Variants in TSHZ2 observed in about 807,000 individuals in gnomAD.
TSHZ2 encodes the protein teashirt homolog 2.
A neutral mutation model predicts 74.4 loss-of-function variants in TSHZ2; 21 were observed. The observed-to-expected ratio is 0.28, with a 90% CI of 0.20 to 0.41. TSHZ2 has a LOEUF of 0.41. Ranked by LOEUF, TSHZ2 falls within the 10% of genes least tolerant of loss-of-function variation. The probability of loss-of-function intolerance (pLI) is 1.00; values close to 1 mark genes in which losing one functional copy is unlikely to be tolerated. For synonymous variants in TSHZ2, 540 were observed against 515.3 expected, an observed-to-expected ratio of 1.05 and a Z score of -0.65; for missense variants, 1,244 against 1,293.5, an observed-to-expected ratio of 0.96 and a Z score of 0.59.
intron 1 of TSHZ2, among the ~76,000 whole-genome samples, chr20:53,007,804 G>C (rs1982701822): frequency 6.6e-6 from 1 of 151,854 alleles, no homozygotes; most frequent in African/African-American, 2.4e-5. Context: ...TTTGCAGAGT[G>C]ATGTGAGCAT....
At chr20:53,357,139 T>C (rs1467671921) in intron 2 of TSHZ2, among the ~76,000 whole-genome samples, 1 of 152,190 alleles carries the variant, frequency 6.6e-6, no homozygotes, top group Admixed American at 6.5e-5. Flanking sequence ...TTGCATAAAT[T>C]CCATTTCTCT....
At chr20:53,211,016 T>C (rs1308137341) in intron 1 of TSHZ2, among the ~76,000 whole-genome samples, 2 of 152,212 alleles carry the variant, frequency 1.3e-5, no homozygotes, top group Admixed American at 6.5e-5. Flanking sequence ...TGGATAATTA[T>C]GTTCTCAGAG....
intron 1 of TSHZ2, among the ~76,000 whole-genome samples, chr20:53,031,726 G>A (rs950550211): frequency 6.6e-6 from 1 of 152,154 alleles, no homozygotes; most frequent in Non-Finnish European, 1.5e-5. Context: ...CCCTGATATG[G>A]TATAGATTTT....
chr20:53,043,960 T>C (rs1221099723), intron 1 of TSHZ2, among the ~76,000 whole-genome samples: 1 of 152,192 alleles, frequency 6.6e-6, no homozygotes, highest in Non-Finnish European at 1.5e-5. Flanking sequence ...AGTTCTTTAA[T>C]TGGGATAAGA....
chr20:53,284,129 C>A (rs1167911807), intron 2 of TSHZ2, among the ~76,000 whole-genome samples: 1 of 152,108 alleles, frequency 6.6e-6, no homozygotes, highest in Non-Finnish European at 1.5e-5. Context: ...AGAGTTTTAC[C>A]GCCTCGAACA....
At position 53,311,910 on chromosome 20, in the gene TSHZ2, T is replaced by C. The variant is rs181667431; in HGVS notation, c.*8+55339T>C. 2.0e-5 allele frequency among the ~76,000 whole-genome samples: 3 copies of C among 152,104 alleles called. No homozygotes were observed. In the East Asian group the frequency reaches 5.8e-4, roughly 29 times the overall value. On this transcript the variant is annotated intron_variant, in intron 2 of 2. Transcript: ENST00000371497. Reference sequence around the variant, plus strand: ...CAGCCTTGGAAACATAGGGAGATATTGTCTCTACAAAAAATAAAAGATTAG... The same window carrying C: ...CAGCCTTGGAAACATAGGGAGATATCGTCTCTACAAAAAATAAAAGATTAG...
At chr20:53,387,159 C>A (rs1241979551) in intron 2 of TSHZ2, among the ~76,000 whole-genome samples, 1 of 152,138 alleles carries the variant, frequency 6.6e-6, no homozygotes, top group East Asian at 1.9e-4. Context: ...TCACTAAGAT[C>A]CCAAAGCCAA....
chr20:53,073,172 C>A (rs1234867866), intron 1 of TSHZ2, among the ~76,000 whole-genome samples: 2 of 149,968 alleles, frequency 1.3e-5, no homozygotes, highest in Non-Finnish European at 1.5e-5. Flanking sequence ...ATTCCTTCAT[C>A]CATCTATCCC....
intron 2 of TSHZ2, among the ~76,000 whole-genome samples, chr20:53,419,141 C>T (rs1297043497): frequency 2.0e-5 from 3 of 152,190 alleles, no homozygotes; most frequent in African/African-American, 7.2e-5. Flanking sequence ...CATTAAGCCG[C>T]TTTGTGGACC....
intron 2 of TSHZ2, among the ~76,000 whole-genome samples, chr20:53,262,704 G>A (rs1990627999): frequency 6.6e-6 from 1 of 152,170 alleles, no homozygotes; most frequent in Non-Finnish European, 1.5e-5. Flanking sequence ...TGTAGGCCAG[G>A]GAGATAAGGG....
intron 2 of TSHZ2, among the ~76,000 whole-genome samples, chr20:53,343,281 TAACAAGACGGC>T (rs1253871584): frequency 6.6e-6 from 1 of 152,180 alleles, no homozygotes; most frequent in Non-Finnish European, 1.5e-5. Context: ...CCCGTATTTC[TAACAAGACGGC>T]AGGTGCGGCC....
At chr20:53,398,257 C>G (rs1982529098) in intron 2 of TSHZ2, 1 of 152,160 alleles carries the variant, frequency 6.6e-6, no homozygotes, top group African/African-American at 2.4e-5. Context: ...TTTCTCACTC[C>G]CAGGTATCAA....
At chr20:53,024,151 G>A (rs927596115) in intron 1 of TSHZ2, among the ~76,000 whole-genome samples, 14 of 151,720 alleles carry the variant, frequency 9.2e-5, no homozygotes, top group Non-Finnish European at 1.5e-4. Context: ...TAACCAGAGT[G>A]TATGGCTTGA....
intron 2 of TSHZ2, among the ~76,000 whole-genome samples, chr20:53,463,511 A>C (rs1186205263): frequency 6.6e-6 from 1 of 151,688 alleles, no homozygotes; most frequent in Non-Finnish European, 1.5e-5. Flanking sequence ...GGAAGAGAGG[A>C]ATGTCGTAGA....
intron 2 of TSHZ2, among the ~76,000 whole-genome samples, chr20:53,351,546 A>G (rs1048399544): frequency 6.6e-6 from 1 of 152,246 alleles, no homozygotes; most frequent in Admixed American, 6.5e-5. Context: ...CTCAATTATC[A>G]TCAATCCAAA....
intron 2 of TSHZ2, among the ~76,000 whole-genome samples, chr20:53,472,178 G>A (rs1220530488): frequency 6.6e-6 from 1 of 152,184 alleles, no homozygotes; most frequent in African/African-American, 2.4e-5. Context: ...CACTTTGTTT[G>A]CTATATGGAA....
chr20:53,152,914 C>G (rs562676652), intron 1 of TSHZ2, among the ~76,000 whole-genome samples: 1 of 152,252 alleles, frequency 6.6e-6, no homozygotes, highest in South Asian at 2.1e-4. Context: ...GAAGAATTGC[C>G]TACCCCAGTC....
At chr20:52,993,347 T>C (rs1982062079) in intron 1 of TSHZ2, among the ~76,000 whole-genome samples, 1 of 152,226 alleles carries the variant, frequency 6.6e-6, no homozygotes, top group African/African-American at 2.4e-5. Flanking sequence ...GCATTTCCTG[T>C]GGACTGACCT....
At chr20:53,235,451 C>T (rs941358653) in intron 1 of TSHZ2, among the ~76,000 whole-genome samples, 16 of 152,018 alleles carry the variant, frequency 1.1e-4, no homozygotes, top group African/African-American at 2.2e-4. Context: ...ATTACAGGTG[C>T]GAGCCACCAC....
Sources: gnomAD v4.1 joint callset for allele counts (sites outside exome capture counted in the v4.1 genomes callset) on GRCh38, gnomAD v4.1.1 for gene constraint, MANE v1.5 for transcripts, NCBI Gene and HGNC (gene_info 2026-07-23, HGNC 2026-07-21) for gene names.